Variants in PPP6R3 observed in about 807,000 individuals in gnomAD.
The protein encoded by PPP6R3 is protein phosphatase 6 regulatory subunit 3, also known as serine/threonine-protein phosphatase 6 regulatory subunit 3.
A neutral mutation model predicts 110.7 loss-of-function variants in PPP6R3; 38 were observed. That is an observed-to-expected ratio of 0.34 (90% CI 0.26 to 0.45). PPP6R3 has a LOEUF of 0.45. Ranked by LOEUF, PPP6R3 falls within the 20% of genes least tolerant of loss-of-function variation. PPP6R3 has a pLI of 1.00. For synonymous variants in PPP6R3, 369 were observed against 373.5 expected, an observed-to-expected ratio of 0.99 and a Z score of 0.14; for missense variants, 870 against 1,062.4, an observed-to-expected ratio of 0.82 and a Z score of 2.52.
At chr11:68,506,414 C>CAAAAAAA (rs67739319) in intron 1 of PPP6R3, among the ~76,000 whole-genome samples, 990 of 46,080 alleles carry the variant, frequency 0.021, 136 homozygotes, top group Non-Finnish European at 0.031. Flanking sequence ...CCTTTATACT[C>CAAAAAAA]AAAAAAAAAA....
At chr11:68,464,921 A>G (rs1052557660) in intron 1 of PPP6R3, among the ~76,000 whole-genome samples, 13 of 145,308 alleles carry the variant, frequency 8.9e-5, no homozygotes, top group Non-Finnish European at 1.0e-4. Flanking sequence ...TCACTATGTC[A>G]CCCAGGCTGG....
chr11:68,554,802 G>A (rs1480359567), intron 7 of PPP6R3, among the ~76,000 whole-genome samples: 1 of 152,184 alleles, frequency 6.6e-6, no homozygotes, highest in Non-Finnish European at 1.5e-5. Context: ...ACAGCTGAAC[G>A]TTATTTTAAT....
At chr11:68,564,195 G>A (rs12804775) in intron 8 of PPP6R3, 108 bp from the exon 9 acceptor site, 91,046 of 1,171,926 alleles carry the variant, frequency 0.078, 4,080 homozygotes, top group South Asian at 0.096. Context: ...CTTTTTTCCC[G>A]CAGCCAGAAA....
intron 1 of PPP6R3, among the ~76,000 whole-genome samples, chr11:68,484,516 T>C (rs2098934100): frequency 6.6e-6 from 1 of 151,872 alleles, no homozygotes; most frequent in African/African-American, 2.4e-5. Context: ...TCAGGTCTTT[T>C]GTCCATTTTT....
intron 3 of PPP6R3, among the ~76,000 whole-genome samples, chr11:68,544,566 C>T (rs1038522920): frequency 2.6e-5 from 4 of 152,228 alleles, no homozygotes; most frequent in African/African-American, 9.7e-5. Flanking sequence ...GCAGCATGAC[C>T]TCTCTGGGCT....
At chr11:68,511,780 C>CGTGTGTGTGT (rs143019841) in intron 1 of PPP6R3, among the ~76,000 whole-genome samples, 8 of 126,604 alleles carry the variant, frequency 6.3e-5, no homozygotes, top group Admixed American at 1.6e-4. Flanking sequence ...TGCGCCCAGC[C>CGTGTGTGTGT]GTGTGTGTGT....
chr11:68,524,713 G>A (rs867437847), intron 2 of PPP6R3, among the ~76,000 whole-genome samples: 22 of 151,944 alleles, frequency 1.4e-4, no homozygotes, highest in African/African-American at 3.6e-4. Flanking sequence ...TTCTTGTTTC[G>A]TTGTGTCAAA....
chr11:68,528,677 A>G (rs957053177), intron 2 of PPP6R3, among the ~76,000 whole-genome samples: 1 of 152,154 alleles, frequency 6.6e-6, no homozygotes, highest in Non-Finnish European at 1.5e-5. Context: ...ACTAAGAGAT[A>G]ACTTCCGTGG....
At chr11:68,546,357 C>CTT (rs1274281744) in intron 4 of PPP6R3, among the ~76,000 whole-genome samples, 2 of 152,174 alleles carry the variant, frequency 1.3e-5, no homozygotes, top group African/African-American at 4.8e-5. Flanking sequence ...CTTCATTGTG[C>CTT]TTTTTCTCCT....
Position 68,615,248 on chromosome 11 carries a change from A to T in PPP6R3, c.*2131A>T, listed in dbSNP as rs186927657. On this transcript the variant is annotated 3_prime_UTR_variant, in exon 24 of 24. Coordinates refer to ENST00000393800, the MANE Select transcript of PPP6R3 (RefSeq NM_001164161.2). ...CTTTTAATTTCTGTGTGTTGGCCAT[A>T]CTGAATTATGAGACTAACAGATGTC... 3.3e-4 allele frequency: 123 copies of T among 371,722 alleles called. No individual in the cohort carries two copies. The highest frequency in any genetic ancestry group is 2.4e-3 in the African/African-American group (113 of 47,412). 23.0% of individuals were successfully genotyped at this position (371,722 alleles called of 1,614,324 possible).
chr11:68,466,016 T>C (rs1314939690), intron 1 of PPP6R3, among the ~76,000 whole-genome samples: 1 of 152,218 alleles, frequency 6.6e-6, no homozygotes, highest in East Asian at 1.9e-4. Context: ...ACAACAGTTA[T>C]CCTTTGACCA....
chr11:68,461,066 G>A (rs2098701377), intron 1 of PPP6R3, among the ~76,000 whole-genome samples: 1 of 151,772 alleles, frequency 6.6e-6, no homozygotes, highest in East Asian at 1.9e-4. Flanking sequence ...CGGGCGCCGG[G>A]AGCGGGACGC....
chr11:68,530,215 A>G (rs1203056487), intron 2 of PPP6R3, among the ~76,000 whole-genome samples: 1 of 152,126 alleles, frequency 6.6e-6, no homozygotes, highest in Non-Finnish European at 1.5e-5. Context: ...TGGATGACAG[A>G]TAGAGCTTGT....
intron 1 of PPP6R3, among the ~76,000 whole-genome samples, chr11:68,516,771 T>G (rs1018940786): frequency 6.6e-6 from 1 of 152,224 alleles, no homozygotes; most frequent in African/African-American, 2.4e-5. Flanking sequence ...GAATGAATGT[T>G]AACGGTTTTT....
intron 1 of PPP6R3, among the ~76,000 whole-genome samples, chr11:68,497,777 C>T (rs2099026297): frequency 6.6e-6 from 1 of 152,088 alleles, no homozygotes. Context: ...TGCAATTTAT[C>T]TTATTTTTCT....
At chr11:68,579,873 C>T (rs2099546459) in intron 14 of PPP6R3, among the ~76,000 whole-genome samples, 1 of 152,204 alleles carries the variant, frequency 6.6e-6, no homozygotes, top group African/African-American at 2.4e-5. Context: ...TTGGTTGTAG[C>T]AGATAGCCCA....
At chr11:68,548,034 A>G (rs1386631950) in intron 4 of PPP6R3, 33 bp from the exon 5 acceptor site, 2 of 1,595,430 alleles carry the variant, frequency 1.3e-6, no homozygotes, top group Admixed American at 1.8e-5. Flanking sequence ...TCCAAGTTAC[A>G]TGTCTTTCAG....
chr11:68,574,248 T>C, intron 13 of PPP6R3, 24 bp downstream of exon 13: 6 of 1,587,314 alleles, frequency 3.8e-6, no homozygotes, highest in Non-Finnish European at 5.2e-6. Flanking sequence ...GAAATTTGAA[T>C]TACATTTTTG....
intron 19 of PPP6R3, among the ~76,000 whole-genome samples, chr11:68,596,834 GC>G (rs1303962352): frequency 1.3e-5 from 2 of 152,194 alleles, no homozygotes; most frequent in Non-Finnish European, 2.9e-5. Context: ...CTTGCCCCAA[GC>G]CTGGCCAGTC....
Sources: allele counts gnomAD v4.1 joint callset (sites outside exome capture counted in the v4.1 genomes callset), GRCh38; gene constraint gnomAD v4.1.1; transcripts MANE v1.5; gene names NCBI Gene and HGNC (gene_info 2026-07-23, HGNC 2026-07-21).